Variants in DLG1 observed in about 807,000 individuals in gnomAD.
DLG1 encodes discs large MAGUK scaffold protein 1.
A neutral mutation model predicts 123.4 loss-of-function variants in DLG1; 42 were observed. That is an observed-to-expected ratio of 0.34 (90% CI 0.27 to 0.44). The LOEUF is 0.44. Ranked by LOEUF, DLG1 falls within the 20% of genes least tolerant of loss-of-function variation. DLG1 has a pLI of 1.00. For synonymous variants in DLG1, 317 were observed against 356.2 expected, an observed-to-expected ratio of 0.89 and a Z score of 1.24; for missense variants, 942 against 1,082.6, an observed-to-expected ratio of 0.87 and a Z score of 1.82.
chr3:197,175,506 G>A (rs1201163325), intron 5 of DLG1, among the ~76,000 whole-genome samples: 1 of 152,110 alleles, frequency 6.6e-6, no homozygotes. Flanking sequence ...ACATAGACTT[G>A]CTAGTTTTTA....
chr3:197,150,441 C>T (rs1793304784), intron 5 of DLG1, among the ~76,000 whole-genome samples: 1 of 151,954 alleles, frequency 6.6e-6, no homozygotes, highest in Non-Finnish European at 1.5e-5. Flanking sequence ...TCTTGGTTTT[C>T]TGGTTAGGTT....
At chr3:197,207,935 G>T (rs905096477) in intron 4 of DLG1, among the ~76,000 whole-genome samples, 3 of 144,516 alleles carry the variant, frequency 2.1e-5, no homozygotes, top group African/African-American at 7.3e-5. Flanking sequence ...ATTAAAAAAA[G>T]ACTGATAAAT....
chr3:197,230,378 T>C (rs911412101), intron 4 of DLG1, among the ~76,000 whole-genome samples: 3 of 152,154 alleles, frequency 2.0e-5, no homozygotes, highest in Non-Finnish European at 4.4e-5. Flanking sequence ...AGGGTTAAAA[T>C]ACAAGAGCAA....
chr3:197,187,885 A>C (rs944888513), intron 5 of DLG1, among the ~76,000 whole-genome samples: 1 of 152,152 alleles, frequency 6.6e-6, no homozygotes, highest in African/African-American at 2.4e-5. Context: ...TTCTTTCTTG[A>C]TATTCTTCCC....
At chr3:197,214,025 G>C (rs1289773911) in intron 4 of DLG1, among the ~76,000 whole-genome samples, 1 of 152,022 alleles carries the variant, frequency 6.6e-6, no homozygotes, top group African/African-American at 2.4e-5. Flanking sequence ...ACAAAGTGTT[G>C]AACAGACCAC....
intron 4 of DLG1, among the ~76,000 whole-genome samples, chr3:197,212,483 C>T (rs923255398): frequency 6.6e-6 from 1 of 152,232 alleles, no homozygotes; most frequent in Non-Finnish European, 1.5e-5. Context: ...TTAGTTTCTT[C>T]TAAGGGCTGT....
At chr3:197,169,793 T>C (rs916846778) in intron 5 of DLG1, among the ~76,000 whole-genome samples, 2 of 152,204 alleles carry the variant, frequency 1.3e-5, no homozygotes, top group African/African-American at 4.8e-5. Context: ...GGGGTACATG[T>C]GCAAGCTTGT....
chr3:197,191,331 A>C (rs1719410980), intron 5 of DLG1, among the ~76,000 whole-genome samples: 1 of 152,206 alleles, frequency 6.6e-6, no homozygotes, highest in South Asian at 2.1e-4. Flanking sequence ...TTGTGTCTGG[A>C]ACATTGTTTT....
At chr3:197,265,945 G>A (rs935458737) in intron 4 of DLG1, among the ~76,000 whole-genome samples, 3 of 152,142 alleles carry the variant, frequency 2.0e-5, no homozygotes, top group Non-Finnish European at 2.9e-5. Flanking sequence ...AGCTACTCAG[G>A]AGGCTGAGGT....
chr3:197,189,495 T>C (rs981641648), intron 5 of DLG1, among the ~76,000 whole-genome samples: 32 of 152,186 alleles, frequency 2.1e-4, no homozygotes, highest in African/African-American at 7.5e-4. Flanking sequence ...AAAATCCTTA[T>C]CTACTCAGTT....
intron 16 of DLG1, 61 bp from the exon 17 acceptor site, chr3:197,081,178 A>C (rs894899627): frequency 2.7e-5 from 40 of 1,478,532 alleles, no homozygotes; most frequent in South Asian, 2.4e-4. Context: ...TCTTACTAGA[A>C]ATAACCAGAA....
chr3:197,093,393 G>A (rs901711504), intron 14 of DLG1, among the ~76,000 whole-genome samples: 3 of 152,032 alleles, frequency 2.0e-5, no homozygotes, highest in Admixed American at 6.5e-5. Flanking sequence ...TCTTGACCTC[G>A]TAATCCGCCT....
chr3:197,288,873 TATACAA>T (rs1296981031), intron 3 of DLG1, among the ~76,000 whole-genome samples: 3 of 152,034 alleles, frequency 2.0e-5, no homozygotes, highest in Admixed American at 6.6e-5. Context: ...TATTCACACT[TATACAA>T]ATACAACTGC....
intron 1 of DLG1, chr3:197,297,914 G>A (rs1435692260): frequency 9.3e-5 from 92 of 984,312 alleles, no homozygotes; most frequent in Non-Finnish European, 1.1e-4. Flanking sequence ...GGCCCGCGGA[G>A]CCGAGCGGAG....
intron 20 of DLG1, 67 bp downstream of exon 20, chr3:197,066,637 T>G (rs879112532): frequency 7.7e-7 from 1 of 1,296,108 alleles, no homozygotes; most frequent in South Asian, 1.4e-5. Context: ...GTATGAGAAT[T>G]TTTTTCCCCC....
At chr3:197,160,674 C>T (rs1561135709) in intron 5 of DLG1, among the ~76,000 whole-genome samples, 2 of 151,938 alleles carry the variant, frequency 1.3e-5, no homozygotes, top group African/African-American at 4.8e-5. Context: ...CCCTAGAATC[C>T]TTGGTTGTAT....
At chr3:197,051,517 T>C in intron 24 of DLG1, 60 bp downstream of exon 24, 12 of 1,396,232 alleles carry the variant, frequency 8.6e-6, no homozygotes, top group South Asian at 1.2e-5. Context: ...AACGGGTCGG[T>C]TCACATGGCT....
chr3:197,156,443 AAAGT>A (rs59115897), intron 5 of DLG1, among the ~76,000 whole-genome samples: 19,783 of 152,206 alleles, frequency 0.13, 1,722 homozygotes, highest in South Asian at 0.35. Context: ...CAAAATGACA[AAAGT>A]AAGTCTTTCC....
At chr3:197,197,125 A>G (rs1342437864) in intron 4 of DLG1, among the ~76,000 whole-genome samples, 1 of 152,200 alleles carries the variant, frequency 6.6e-6, no homozygotes, top group Non-Finnish European at 1.5e-5. Flanking sequence ...CATTTGACCT[A>G]AAGAGGTTCC....
Sources: allele counts gnomAD v4.1 joint callset (sites outside exome capture counted in the v4.1 genomes callset), GRCh38; gene constraint gnomAD v4.1.1; transcripts MANE v1.5; gene names NCBI Gene and HGNC (gene_info 2026-07-23, HGNC 2026-07-21).